CASQ2: variants seen among roughly 807,000 people sequenced by gnomAD.
The protein encoded by CASQ2 is calsequestrin-2.
CASQ2 carries 49 observed loss-of-function variants against 46.5 expected under a neutral mutation model. The ratio of observed to expected loss-of-function variants is 1.05; its 90% confidence interval spans 0.84 to 1.34. The LOEUF is 1.34. CASQ2 is among the 40% of genes most tolerant of loss of function. CASQ2 has a pLI of 0.00. For missense variants in CASQ2, 486 were observed against 481.3 expected (o/e 1.01, Z -0.09); for synonymous variants, 174 against 168.5 (o/e 1.03, Z -0.25).
rs372735694 is a variant in CASQ2, at chr1:115,708,930, T to C, written c.839-3638A>G. On this transcript the variant is annotated intron_variant, in intron 8 of 10. Transcript: ENST00000261448. ...ATTCTGTGACCAAAGGCTTCAGGGA[T>C]GGCTGTGCCAGCTGGTGAGACCACG... is the stretch of plus-strand genomic sequence containing the variant. Among the ~76,000 whole-genome samples the C allele has an allele frequency of 6.8e-4, 104 of 152,318 alleles. 1 individual carries two copies. In the South Asian group the frequency reaches 0.014, roughly 20 times the overall value.
chr1:115,703,501 A>G (rs6672289), intron 9 of CASQ2, among the ~76,000 whole-genome samples: 56,923 of 151,816 alleles, frequency 0.37, 11,538 homozygotes, highest in African/African-American at 0.52. Flanking sequence ...TTTTTTTTTA[A>G]TGGAGATGTC....
At position 115,705,173 on chromosome 1, in the gene CASQ2, G is replaced by A. The variant is rs370092811; in HGVS notation, c.939+19C>T. On this transcript the variant is annotated intron_variant, in intron 9 of 10. Coordinates refer to ENST00000261448, the MANE Select transcript of CASQ2 (RefSeq NM_001232.4). ...TTGTGACAGCAACTGAGGGTGGGGC[G>A]CTGGCTGGAGCCACTCACCAGAGGA... The A allele has an allele frequency of 4.3e-5, 65 of 1,500,784 alleles. No homozygotes were observed. In the South Asian group the frequency reaches 5.9e-4, roughly 14 times the overall value. The allele number at this position is 1,500,784 out of a possible 1,614,324, so 93.0% of individuals were successfully genotyped here.
At chr1:115,768,198 T>G in intron 1 of CASQ2, 110 bp downstream of exon 1, 3 of 790,582 alleles carry the variant, frequency 3.8e-6, no homozygotes, top group Non-Finnish European at 6.9e-6. Flanking sequence ...TAAAGCAGAG[T>G]TCAGTATATA....
intron 8 of CASQ2, among the ~76,000 whole-genome samples, chr1:115,714,969 G>A (rs777233499): frequency 2.0e-5 from 3 of 152,182 alleles, no homozygotes; most frequent in Non-Finnish European, 4.4e-5. Flanking sequence ...CAGCAATCTC[G>A]GTCAAACAGG....
intron 4 of CASQ2, among the ~76,000 whole-genome samples, chr1:115,735,644 A>G (rs1647930021): frequency 6.6e-6 from 1 of 152,252 alleles, no homozygotes; most frequent in African/African-American, 2.4e-5. Flanking sequence ...ATTCCTAAGG[A>G]AAAGCTTCAT....
At chr1:115,704,490 C>T (rs1406506394) in intron 9 of CASQ2, among the ~76,000 whole-genome samples, 1 of 152,166 alleles carries the variant, frequency 6.6e-6, no homozygotes, top group African/African-American at 2.4e-5. Context: ...TAAAGTATTA[C>T]TCTAGTTCCA....
intron 2 of CASQ2, among the ~76,000 whole-genome samples, chr1:115,742,513 C>T (rs185785115): frequency 6.6e-6 from 1 of 152,122 alleles, no homozygotes; most frequent in African/African-American, 2.4e-5. Context: ...GATCAAATAA[C>T]CGGAAGGAAC....
At chr1:115,762,106 C>A (rs901459062) in intron 1 of CASQ2, among the ~76,000 whole-genome samples, 2 of 152,194 alleles carry the variant, frequency 1.3e-5, no homozygotes, top group Non-Finnish European at 2.9e-5. Flanking sequence ...ACTCTAGTTG[C>A]AGCCTGTTGA....
At chr1:115,743,689 CTT>C (rs200989847) in intron 2 of CASQ2, among the ~76,000 whole-genome samples, 101,247 of 143,694 alleles carry the variant, frequency 0.7, 38,813 homozygotes, top group Non-Finnish European at 0.87. Context: ...CACCACTAAT[CTT>C]TTTTTTTTTT....
chr1:115,716,965 G>A (rs935327734), intron 8 of CASQ2, among the ~76,000 whole-genome samples: 1 of 152,166 alleles, frequency 6.6e-6, no homozygotes, highest in African/African-American at 2.4e-5. Context: ...GAGATGATTG[G>A]ATCGTGGGGG....
rs758724908 is a variant in CASQ2 at position 115,700,909 on chromosome 1, T to C, written c.*332A>G. On this transcript the variant is annotated 3_prime_UTR_variant, in exon 11 of 11. Coordinates refer to ENST00000261448, the MANE Select transcript of CASQ2 (RefSeq NM_001232.4). ...CTGTCATAATCAAAGACAAGTAAACTTGTGTTAGGGGATTGTTCACCCTAG... is the reference window on the plus strand; with the variant it reads ...CTGTCATAATCAAAGACAAGTAAACCTGTGTTAGGGGATTGTTCACCCTAG... 5.1e-6 allele frequency: 3 copies of C among 593,916 alleles called. No individual in the cohort carries two copies. The Admixed American group carries it at 9.1e-5, about 18-fold the overall frequency. 36.8% of individuals were successfully genotyped at this position (593,916 alleles called of 1,614,324 possible). A position where few individuals can be genotyped will look rare whatever the true frequency, so the allele number is the denominator to read the frequency against.
Position 115,727,134 on chromosome 1 carries a change from A to G in CASQ2, c.607-12T>C, listed in dbSNP as rs780824723. 2.5e-6 allele frequency: 4 copies of G among 1,602,376 alleles called. No homozygotes were observed. Among genetic ancestry groups the G allele is most frequent in the Non-Finnish European group, 1.7e-6 (2 of 1,169,712 alleles). The stretch of plus-strand genomic sequence containing the variant: ...AATTTCTTTGCAACCTGTAACCATT[A>G]GAAATAAGACAAAGTTTATTTGAAT... On this transcript the variant is annotated splice_polypyrimidine_tract_variant and intron_variant, in intron 5 of 10. Coordinates refer to ENST00000261448, the MANE Select transcript of CASQ2 (RefSeq NM_001232.4).
In CASQ2 at chr1:115,700,484, CCT is replaced by C. The variant is rs1343316359; in HGVS notation, c.*755_*756del. 1.3e-5 allele frequency: 2 copies of C among 152,870 alleles called. No individual in the cohort carries two copies. The highest frequency in any genetic ancestry group is 3.9e-4 in the East Asian group (2 of 5,180). 9.5% of individuals were successfully genotyped at this position (152,870 alleles called of 1,614,324 possible). A position where few individuals can be genotyped will look rare whatever the true frequency, so the allele number is the denominator to read the frequency against. On this transcript the variant is annotated 3_prime_UTR_variant, in exon 11 of 11. Coordinates refer to ENST00000261448, the MANE Select transcript of CASQ2 (RefSeq NM_001232.4). ...TTTCATCTTTCTAGTTTTCCCCCAC[CCT>C]CCACTCCTGCTGATGAATATGTGAG... is the stretch of plus-strand genomic sequence containing the variant.
intron 7 of CASQ2, among the ~76,000 whole-genome samples, chr1:115,720,306 T>A (rs116208359): frequency 0.014 from 2,092 of 152,290 alleles, 67 homozygotes; most frequent in African/African-American, 0.048. Flanking sequence ...GCCTTCCTGC[T>A]GTGTCCTCAC....
At chr1:115,721,274 G>C (rs1171985507) in intron 7 of CASQ2, among the ~76,000 whole-genome samples, 1 of 152,132 alleles carries the variant, frequency 6.6e-6, no homozygotes, top group Non-Finnish European at 1.5e-5. Flanking sequence ...GAGGTCTCCA[G>C]GGGGAATGAC....
intron 7 of CASQ2, among the ~76,000 whole-genome samples, chr1:115,718,975 TG>T (rs905842803): frequency 6.6e-6 from 1 of 152,124 alleles, no homozygotes; most frequent in Non-Finnish European, 1.5e-5. Context: ...AGGTATGCTT[TG>T]GGCACCCTGA....
At chr1:115,719,376 C>G (rs1224658501) in intron 7 of CASQ2, among the ~76,000 whole-genome samples, 2 of 152,222 alleles carry the variant, frequency 1.3e-5, no homozygotes, top group Non-Finnish European at 2.9e-5. Flanking sequence ...TAGCCTGTGT[C>G]TCTGTCTCCT....
intron 8 of CASQ2, among the ~76,000 whole-genome samples, chr1:115,715,271 T>C (rs1349129210): frequency 6.6e-6 from 1 of 152,176 alleles, no homozygotes; most frequent in Non-Finnish European, 1.5e-5. Context: ...TAGCTTTTTC[T>C]TGAGAGGTGG....
chr1:115,725,955 G>A (rs181860834), intron 6 of CASQ2, among the ~76,000 whole-genome samples: 2 of 152,304 alleles, frequency 1.3e-5, no homozygotes, highest in Non-Finnish European at 2.9e-5. Flanking sequence ...GGATTTTGTA[G>A]GTTAAAACTG....
Sources: allele counts gnomAD v4.1 joint callset (sites outside exome capture counted in the v4.1 genomes callset), GRCh38; gene constraint gnomAD v4.1.1; transcripts MANE v1.5; gene names NCBI Gene and HGNC (gene_info 2026-07-23, HGNC 2026-07-21).